DOK5: variants seen among roughly 807,000 people sequenced by gnomAD.
The protein encoded by DOK5 is docking protein 5.
In DOK5, 27 loss-of-function variants were observed where a neutral mutation model predicts 43.3. The observed-to-expected ratio is 0.62, with a 90% CI of 0.46 to 0.86. DOK5 has a LOEUF of 0.86. DOK5 is among the 40% of genes least tolerant of loss of function. DOK5 has a pLI of 0.00. For missense variants in DOK5, 373 were observed against 392.9 expected (o/e 0.95, Z 0.43); for synonymous variants, 146 against 140.1 (o/e 1.04, Z -0.30).
intron 2 of DOK5, among the ~76,000 whole-genome samples, chr20:54,583,140 A>G (rs1426240584): frequency 1.3e-5 from 2 of 151,090 alleles, no homozygotes; most frequent in East Asian, 3.9e-4. Context: ...GTTGTTTAAG[A>G]TTGTGCTGTT....
At chr20:54,576,756 A>C (rs1600713043) in intron 2 of DOK5, among the ~76,000 whole-genome samples, 1 of 152,204 alleles carries the variant, frequency 6.6e-6, no homozygotes, top group East Asian at 1.9e-4. Context: ...CATAAAACCA[A>C]GTGGTTTTGA....
At position 54,572,696 on chromosome 20, in the gene DOK5, A is replaced by G. The variant is rs564053255; in HGVS notation, c.175-15787A>G. Among the ~76,000 whole-genome samples, 5 of 152,120 alleles carry G rather than the reference A, an allele frequency of 3.3e-5. No individual in the cohort carries two copies. In the South Asian group the frequency reaches 1.0e-3, roughly 32 times the overall value. On this transcript the variant is annotated intron_variant, in intron 2 of 7. Coordinates refer to ENST00000262593, the MANE Select transcript of DOK5 (RefSeq NM_018431.5). Reference sequence around the variant, plus strand: ...ACGCAGGCAGCCCCCTTTTTTTTGTAGGTCTTGGGACCTTTGGGAACCATA... The same window carrying G: ...ACGCAGGCAGCCCCCTTTTTTTTGTGGGTCTTGGGACCTTTGGGAACCATA...
At chr20:54,630,794 A>G (rs1978527841) in intron 6 of DOK5, among the ~76,000 whole-genome samples, 1 of 152,232 alleles carries the variant, frequency 6.6e-6, no homozygotes, top group Non-Finnish European at 1.5e-5. Context: ...CTTTTTTGAT[A>G]TAGCAGCAAC....
intron 6 of DOK5, among the ~76,000 whole-genome samples, chr20:54,633,316 C>A (rs1978658131): frequency 6.6e-6 from 1 of 152,126 alleles, no homozygotes; most frequent in African/African-American, 2.4e-5. Flanking sequence ...AGGAAGCCAC[C>A]TGGAGAATGG....
intron 2 of DOK5, among the ~76,000 whole-genome samples, chr20:54,574,902 C>T (rs1985404845): frequency 1.3e-5 from 2 of 152,148 alleles, no homozygotes; most frequent in Admixed American, 1.3e-4. Flanking sequence ...TGCTATTTTA[C>T]TATAAACAGA....
chr20:54,570,607 C>T (rs1985252646), intron 2 of DOK5, among the ~76,000 whole-genome samples: 1 of 151,816 alleles, frequency 6.6e-6, no homozygotes, highest in Non-Finnish European at 1.5e-5. Context: ...TGTAAATTAC[C>T]ATCAGCAAAA....
At chr20:54,476,527 TGTC>T (rs1345641782) in intron 1 of DOK5, among the ~76,000 whole-genome samples, 1 of 152,044 alleles carries the variant, frequency 6.6e-6, no homozygotes, top group Non-Finnish European at 1.5e-5. Context: ...CTGTCCCAGG[TGTC>T]GTGTCAAAGG....
chr20:54,597,884 C>A (rs1308278005), intron 5 of DOK5, among the ~76,000 whole-genome samples: 2 of 152,248 alleles, frequency 1.3e-5, no homozygotes, highest in African/African-American at 4.8e-5. Flanking sequence ...TTTGGATGAT[C>A]TTGTGAGCAT....
chr20:54,520,059 A>G (rs1434270455), intron 1 of DOK5, among the ~76,000 whole-genome samples: 2 of 152,116 alleles, frequency 1.3e-5, no homozygotes, highest in African/African-American at 4.8e-5. Context: ...TCTTGTTGCA[A>G]TGCTTATGTT....
rs1373985392 is a variant in DOK5, at chr20:54,643,459, T to A, written c.737T>A (p.Leu246His). Residue 246 changes from leucine to histidine, a missense_variant and splice_region_variant, in exon 7 of 8, where the codon CTC becomes CAC. Coordinates refer to ENST00000262593, the MANE Select transcript of DOK5 (RefSeq NM_018431.5). ...RLLQSVKNSM[L>H]QMKMSERAAS... is the part of the protein sequence containing the mutation. ...CAACTTTCTTCCCTTTGGCTGCAGC[T>A]CCAGATGAAGATGAGTGAGCGGGCC... 1 of 1,613,434 alleles carries A rather than the reference T, an allele frequency of 6.2e-7. No individual in the cohort carries two copies.
At chr20:54,539,099 G>T (rs1341021092) in intron 1 of DOK5, among the ~76,000 whole-genome samples, 1 of 152,046 alleles carries the variant, frequency 6.6e-6, no homozygotes, top group Non-Finnish European at 1.5e-5. Context: ...TACCAGCCTG[G>T]CTAATAGGGT....
In DOK5 at chr20:54,574,808, A is replaced by G. The variant is rs375981194; in HGVS notation, c.175-13675A>G. Among the ~76,000 whole-genome samples, 22 of 152,322 alleles carry G rather than the reference A, an allele frequency of 1.4e-4. 1 individual carries two copies. In the East Asian group the frequency reaches 3.1e-3, roughly 21 times the overall value. ...CAGAGGAAAGCCTTAGATGAATGCTAAGACTGTTTGCTGAAATGGTTGGGA... is the reference window on the plus strand; with the variant it reads ...CAGAGGAAAGCCTTAGATGAATGCTGAGACTGTTTGCTGAAATGGTTGGGA... On this transcript the variant is annotated intron_variant, in intron 2 of 7. Coordinates refer to ENST00000262593, the MANE Select transcript of DOK5 (RefSeq NM_018431.5).
chr20:54,584,013 G>A (rs78853820), intron 2 of DOK5, among the ~76,000 whole-genome samples: 11,525 of 151,746 alleles, frequency 0.076, 1,487 homozygotes, highest in African/African-American at 0.26. Context: ...AGTCGAGCAC[G>A]GTGGTGCACA....
intron 6 of DOK5, among the ~76,000 whole-genome samples, chr20:54,611,303 G>A (rs893062934): frequency 3.3e-5 from 5 of 152,126 alleles, no homozygotes; most frequent in Non-Finnish European, 4.4e-5. Flanking sequence ...GCTCACTCTT[G>A]TAATCCCAGA....
At chr20:54,540,777 G>A (rs772144586) in intron 1 of DOK5, among the ~76,000 whole-genome samples, 3 of 151,978 alleles carry the variant, frequency 2.0e-5, no homozygotes, top group Non-Finnish European at 2.9e-5. Flanking sequence ...TTCCACAGTG[G>A]CCTCCCAAAA....
chr20:54,506,860 A>T (rs945638919), intron 1 of DOK5, among the ~76,000 whole-genome samples: 16 of 152,202 alleles, frequency 1.1e-4, no homozygotes, highest in African/African-American at 3.9e-4. Context: ...ACACCTGGCG[A>T]TCATACGCGA....
chr20:54,517,865 T>C (rs1224288520), intron 1 of DOK5, among the ~76,000 whole-genome samples: 1 of 152,218 alleles, frequency 6.6e-6, no homozygotes, highest in African/African-American at 2.4e-5. Context: ...CTATGGACCA[T>C]GAAATGGGCC....
intron 7 of DOK5, among the ~76,000 whole-genome samples, chr20:54,650,015 A>G (rs1336903687): frequency 6.6e-6 from 1 of 152,208 alleles, no homozygotes; most frequent in Admixed American, 6.5e-5. Flanking sequence ...GAATTTTAGG[A>G]AGTTCTCCTT....
chr20:54,554,882 C>T (rs1568781451), intron 1 of DOK5, 51 bp from the exon 2 acceptor site: 1 of 1,141,644 alleles, frequency 8.8e-7, no homozygotes, highest in East Asian at 2.4e-5. Context: ...CATTTAAATG[C>T]AAATGTCAGT....
Sources: allele counts gnomAD v4.1 joint callset (sites outside exome capture counted in the v4.1 genomes callset), GRCh38; gene constraint gnomAD v4.1.1; transcripts MANE v1.5; gene names NCBI Gene and HGNC (gene_info 2026-07-23, HGNC 2026-07-21).